NAA11: variants seen among roughly 807,000 people sequenced by gnomAD.
NAA11 encodes N-alpha-acetyltransferase 11, NatA catalytic subunit.
NAA11 carries 15 observed loss-of-function variants against 16.1 expected under a neutral mutation model. That is an observed-to-expected ratio of 0.93 (90% CI 0.62 to 1.44). NAA11 has a LOEUF of 1.44. NAA11 is among the 40% of genes most tolerant of loss of function. NAA11 has a pLI of 0.00. For synonymous variants in NAA11, 122 were observed against 112.4 expected (o/e 1.09, Z -0.54); for missense variants, 298 against 291.3 (o/e 1.02, Z -0.17).
intron 2 of NAA11, among the ~76,000 whole-genome samples, chr4:79,243,094 G>A (rs1721730745): frequency 6.6e-6 from 1 of 152,142 alleles, no homozygotes; most frequent in Non-Finnish European, 1.5e-5. Flanking sequence ...AAATTTCTGG[G>A]TAGTGGTCTG....
chr4:79,312,724 A>G (rs1723814501), downstream of NAA11, among the ~76,000 whole-genome samples: 3 of 151,210 alleles, frequency 2.0e-5, no homozygotes, highest in Admixed American at 2.0e-4. Context: ...TCCTGGCCTC[A>G]AGAGATCTTC....
the NAA11 span, among the ~76,000 whole-genome samples, chr4:79,189,149 A>AAAAAAAAAAAAAAAAAAAG: frequency 6.8e-6 from 1 of 146,154 alleles, no homozygotes; most frequent in African/African-American, 2.5e-5. Flanking sequence ...CCATCTCAAA[A>AAAAAAAAAAAAAAAAAAAG]AAAAAAAAAA....
the NAA11 span, among the ~76,000 whole-genome samples, chr4:79,217,820 T>C: frequency 1.3e-5 from 2 of 152,164 alleles, no homozygotes; most frequent in African/African-American, 4.8e-5. Flanking sequence ...CATAATATCT[T>C]ACATTGTAGG....
At chr4:79,167,720 G>A in the NAA11 span, among the ~76,000 whole-genome samples, 1 of 152,000 alleles carries the variant, frequency 6.6e-6, no homozygotes, top group Non-Finnish European at 1.5e-5. Flanking sequence ...CAGGAAGCAT[G>A]AGGCTGGCAT....
chr4:79,215,966 AT>A, the NAA11 span, among the ~76,000 whole-genome samples: 1 of 152,202 alleles, frequency 6.6e-6, no homozygotes, highest in Admixed American at 6.5e-5. Flanking sequence ...TTGGTAAACC[AT>A]AACTATTACA....
the NAA11 span, among the ~76,000 whole-genome samples, chr4:79,219,310 A>G: frequency 1.3e-5 from 2 of 152,134 alleles, no homozygotes; most frequent in South Asian, 2.1e-4. Context: ...ACCTTGCTCC[A>G]TTTCCCTCCA....
intron 1 of NAA11, among the ~76,000 whole-genome samples, chr4:79,310,919 A>G (rs901333389): frequency 1.3e-5 from 2 of 152,212 alleles, no homozygotes; most frequent in Non-Finnish European, 2.9e-5. Context: ...AGTTTTGGCC[A>G]GGGTGTATAA....
intron 2 of NAA11, among the ~76,000 whole-genome samples, chr4:79,261,087 T>A (rs1231806337): frequency 2.0e-5 from 3 of 152,228 alleles, no homozygotes; most frequent in Admixed American, 2.0e-4. Context: ...TTTAAATTAA[T>A]GTCTTTTGAA....
At chr4:79,160,983 A>G in the NAA11 span, among the ~76,000 whole-genome samples, 1 of 152,150 alleles carries the variant, frequency 6.6e-6, no homozygotes, top group Non-Finnish European at 1.5e-5. Context: ...CTGTTTGTGT[A>G]TTTGGTATCA....
At chr4:79,273,261 G>T (rs1722543685) in intron 2 of NAA11, among the ~76,000 whole-genome samples, 1 of 151,904 alleles carries the variant, frequency 6.6e-6, no homozygotes, top group African/African-American at 2.4e-5. Context: ...AAACCACAAG[G>T]AAATTTTTTA....
chr4:79,155,626 C>T, the NAA11 span, among the ~76,000 whole-genome samples: 4 of 152,136 alleles, frequency 2.6e-5, no homozygotes, highest in African/African-American at 9.7e-5. Context: ...AGTGGAAGTA[C>T]AAATGAGCTG....
At chr4:79,202,623 TTATATATATATA>T in the NAA11 span, among the ~76,000 whole-genome samples, 25 of 52,638 alleles carry the variant, frequency 4.7e-4, 1 homozygote, top group East Asian at 5.6e-3. Flanking sequence ...ATATATAGTT[TTATATATATATA>T]TATATATATA....
the NAA11 span, among the ~76,000 whole-genome samples, chr4:79,190,456 C>CCTT: frequency 1.4e-5 from 2 of 142,644 alleles, no homozygotes; most frequent in African/African-American, 2.7e-5. Flanking sequence ...TTGTCTCTCC[C>CCTT]TTTTTTTTTT....
chr4:79,199,890 C>T, the NAA11 span, among the ~76,000 whole-genome samples: 5 of 151,840 alleles, frequency 3.3e-5, no homozygotes, highest in Non-Finnish European at 7.4e-5. Context: ...GAGCTTTGTT[C>T]ATGGTATTCC....
the NAA11 span, among the ~76,000 whole-genome samples, chr4:79,211,007 T>G: frequency 6.6e-6 from 1 of 152,206 alleles, no homozygotes; most frequent in Non-Finnish European, 1.5e-5. Flanking sequence ...TATGGAATCC[T>G]GTCATCTTTT....
chr4:79,249,560 A>G (rs147083488), intron 2 of NAA11, among the ~76,000 whole-genome samples: 133 of 152,334 alleles, frequency 8.7e-4, no homozygotes, highest in African/African-American at 3.1e-3. Flanking sequence ...TCAGACAAAT[A>G]TAAAGAAAAA....
chr4:79,157,271 A>G, the NAA11 span, among the ~76,000 whole-genome samples: 1 of 152,008 alleles, frequency 6.6e-6, no homozygotes, highest in Non-Finnish European at 1.5e-5. Flanking sequence ...TTTTCCCCTA[A>G]GTCCCCAAAG....
At chr4:79,282,849 G>A (rs1311787101) in intron 2 of NAA11, among the ~76,000 whole-genome samples, 1 of 152,078 alleles carries the variant, frequency 6.6e-6, no homozygotes, top group Non-Finnish European at 1.5e-5. Flanking sequence ...TAGTAAGAGA[G>A]TGTAGACTAA....
intron 2 of NAA11, among the ~76,000 whole-genome samples, chr4:79,276,318 A>G (rs1181980862): frequency 6.6e-6 from 1 of 152,164 alleles, no homozygotes; most frequent in African/African-American, 2.4e-5. Flanking sequence ...TGTCTGTGCC[A>G]TCAGAAAGAA....
Sources: allele counts gnomAD v4.1 joint callset (sites outside exome capture counted in the v4.1 genomes callset), GRCh38; gene constraint gnomAD v4.1.1; transcripts MANE v1.5; gene names NCBI Gene and HGNC (gene_info 2026-07-23, HGNC 2026-07-21).